Variants in DIP2A observed in about 807,000 individuals in gnomAD.
The protein encoded by DIP2A is disco-interacting protein 2 homolog A.
A neutral mutation model predicts 177.4 loss-of-function variants in DIP2A; 85 were observed. That is an observed-to-expected ratio of 0.48 (90% CI 0.40 to 0.57). The LOEUF (loss-of-function observed/expected upper bound fraction) is 0.57. Ranked by LOEUF, DIP2A falls within the 20% of genes least tolerant of loss-of-function variation. The probability of loss-of-function intolerance (pLI) is 0.00; values close to 1 mark genes in which losing one functional copy is unlikely to be tolerated. For synonymous variants in DIP2A, 886 were observed against 881.8 expected, an observed-to-expected ratio of 1.00 and a Z score of -0.08; for missense variants, 1,791 against 2,100.2, an observed-to-expected ratio of 0.85 and a Z score of 2.88.
At chr21:46,575,707 A>G in the DIP2A span, among the ~76,000 whole-genome samples, 1 of 152,128 alleles carries the variant, frequency 6.6e-6, no homozygotes, top group African/African-American at 2.4e-5. Context: ...AAAGACTTAT[A>G]AAATGAAAAG....
intron 1 of DIP2A, among the ~76,000 whole-genome samples, chr21:46,477,097 C>T (rs945732624): frequency 2.0e-5 from 3 of 152,152 alleles, no homozygotes; most frequent in African/African-American, 4.8e-5. Context: ...TTCTTGCCTC[C>T]TCCTGCTCTT....
At chr21:46,538,457 A>G (rs1044068674) in intron 15 of DIP2A, 26 bp from the exon 16 acceptor site, 12 of 1,539,362 alleles carry the variant, frequency 7.8e-6, no homozygotes, top group Non-Finnish European at 1.0e-5. Context: ...TGACGCAGGG[A>G]TGTCTGTGCC....
Position 46,557,463 on chromosome 21 carries a change from C to T in DIP2A, c.3630-122C>T, listed in dbSNP as rs2060508176. ...TTTTCCACCAAACCCCCCCACTTGG[C>T]GTCAGAACAGAAATCATGCCCCTGT... is the stretch of plus-strand genomic sequence containing the variant. On this transcript the variant is annotated intron_variant, in intron 30 of 37. Transcript: ENST00000417564. The surrounding 1 kb of genome is among the most constrained non-coding windows in gnomAD (Gnocchi z 6.0). 2.5e-6 allele frequency: 3 copies of T among 1,221,816 alleles called. No individual in the cohort carries two copies. The highest frequency in any genetic ancestry group is 1.6e-5 in the South Asian group (1 of 63,476). 75.7% of individuals were successfully genotyped at this position (1,221,816 alleles called of 1,614,324 possible).
chr21:46,464,362 C>T (rs1351281133), intron 1 of DIP2A, among the ~76,000 whole-genome samples: 1 of 152,110 alleles, frequency 6.6e-6, no homozygotes, highest in African/African-American at 2.4e-5. Flanking sequence ...CATTGCACTC[C>T]AGCCTGGGCA....
At position 46,556,949 on chromosome 21, in the gene DIP2A, C is replaced by A; in HGVS notation, c.3509C>A (p.Ala1170Glu). The change falls in exon 30 of 38, where the codon GCG becomes GAG. Residue 1170 changes from alanine to glutamate, a missense_variant. Physicochemically the swap from Ala to Glu is moderately radical, Grantham distance 107 (BLOSUM62 -1). Transcript: ENST00000417564. The surrounding 1 kb of genome is among the most constrained non-coding windows in gnomAD (Gnocchi z 4.5). The part of the protein sequence containing the change: ...GILAGVKMSH[A>E]ATSALCRSIK... ...TATTTTACTCTTAAGATGTCGCACG[C>A]GGCCACAAGCGCCTTATGCCGCTCC... is the stretch of plus-strand genomic sequence containing the variant. 3 of 1,566,630 alleles carry A rather than the reference C, an allele frequency of 1.9e-6. No individual in the cohort carries two copies. Among genetic ancestry groups the A allele is most frequent in the Non-Finnish European group, 2.6e-6 (3 of 1,153,940 alleles).
In DIP2A at chr21:46,566,548, C is replaced by T; in HGVS notation, c.4340-12C>T. On this transcript the variant is annotated splice_polypyrimidine_tract_variant and intron_variant, in intron 36 of 37. Coordinates refer to ENST00000417564, the MANE Select transcript of DIP2A (RefSeq NM_015151.4). ...GGCTTTCTGGGCACGTGTAAACACA[C>T]ACTGTTCACAGGGCGGCACGATGCA... 1 of 1,613,966 alleles carries T rather than the reference C, an allele frequency of 6.2e-7. No individual in the cohort carries two copies. The highest frequency in any genetic ancestry group is 1.3e-5 in the African/African-American group (1 of 75,048).
rs973580245 is a variant in DIP2A, at chr21:46,557,102, G to A, written c.3629+33G>A. On this transcript the variant is annotated intron_variant, in intron 30 of 37. Transcript: ENST00000417564. This position sits in a 1 kb window ranked among gnomAD's most constrained non-coding sequence, Gnocchi z 6.0. ...CAGGGCCCCTGCTGCCTGCCAGGTG[G>A]GAGCAGCTCGTGTGGCTCTTAGGAA... 6.4e-7 allele frequency: 1 copy of A among 1,568,684 alleles called. No individual in the cohort carries two copies. The highest frequency in any genetic ancestry group is 8.7e-7 in the Non-Finnish European group (1 of 1,153,004).
At chr21:46,521,992 TAGTCTCAA>T (rs933213435) in intron 8 of DIP2A, among the ~76,000 whole-genome samples, 1 of 152,220 alleles carries the variant, frequency 6.6e-6, no homozygotes, top group African/African-American at 2.4e-5. Context: ...CATAGTCCCA[TAGTCTCAA>T]GTGCATGTTA....
intron 13 of DIP2A, among the ~76,000 whole-genome samples, chr21:46,535,140 T>G (rs909019622): frequency 6.6e-6 from 1 of 152,236 alleles, no homozygotes; most frequent in African/African-American, 2.4e-5. Flanking sequence ...AGTTTTGACC[T>G]CAGCTGTCAT....
At chr21:46,543,367 T>C (rs2059896953) in intron 18 of DIP2A, among the ~76,000 whole-genome samples, 1 of 152,188 alleles carries the variant, frequency 6.6e-6, no homozygotes, top group African/African-American at 2.4e-5. Context: ...GTTTTATTTG[T>C]AAAATGTGGA....
At position 46,557,456 on chromosome 21, in the gene DIP2A, C is replaced by A. The variant is rs555843899; in HGVS notation, c.3630-129C>A. The A allele has an allele frequency of 2.1e-5, 24 of 1,170,662 alleles. No homozygotes were observed. The highest frequency in any genetic ancestry group is 1.8e-4 in the East Asian group (7 of 38,560). The allele number at this position is 1,170,662 out of a possible 1,614,324, so 72.5% of individuals were successfully genotyped here. On this transcript the variant is annotated intron_variant, in intron 30 of 37. Coordinates refer to ENST00000417564, the MANE Select transcript of DIP2A (RefSeq NM_015151.4). The surrounding 1 kb of genome is among the most constrained non-coding windows in gnomAD (Gnocchi z 6.0). The stretch of plus-strand genomic sequence containing the variant: ...TGGCATGTTTTCCACCAAACCCCCC[C>A]ACTTGGCGTCAGAACAGAAATCATG...
chr21:46,479,160 C>G (rs1255128034), intron 1 of DIP2A, among the ~76,000 whole-genome samples: 1 of 152,226 alleles, frequency 6.6e-6, no homozygotes, highest in African/African-American at 2.4e-5. Flanking sequence ...TGAGCTCCTG[C>G]CTCTCTGAGT....
At chr21:46,546,881 T>A in intron 20 of DIP2A, 34 bp from the exon 21 acceptor site, 1 of 1,610,102 alleles carries the variant, frequency 6.2e-7, no homozygotes, top group Non-Finnish European at 8.5e-7. Flanking sequence ...TCTGCCCGTG[T>A]GGGTGGAGTC....
At position 46,557,197 on chromosome 21, in the gene DIP2A, TG is replaced by T. The variant is rs2148894081; in HGVS notation, c.3629+132del. ...TGAGATGTGTGTGAGTGGGTTTGTT[TG>T]GGGATGAAGTGGGTTGGAGTCTGAG... On this transcript the variant is annotated intron_variant, in intron 30 of 37. Transcript: ENST00000417564. This position sits in a 1 kb window ranked among gnomAD's most constrained non-coding sequence, Gnocchi z 6.0. The T allele has an allele frequency of 8.8e-7, 1 of 1,141,104 alleles. No individual in the cohort carries two copies. 70.7% of individuals were successfully genotyped at this position (1,141,104 alleles called of 1,614,324 possible). A position where few individuals can be genotyped will look rare whatever the true frequency, so the allele number is the denominator to read the frequency against.
chr21:46,480,057 ATT>A (rs72348715), intron 1 of DIP2A, among the ~76,000 whole-genome samples: 7 of 121,048 alleles, frequency 5.8e-5, no homozygotes, highest in Non-Finnish European at 9.0e-5. Flanking sequence ...GACTGCCTGT[ATT>A]TTTTTTTTTT....
intron 8 of DIP2A, among the ~76,000 whole-genome samples, chr21:46,514,398 T>G (rs2058454684): frequency 6.7e-6 from 1 of 150,252 alleles, no homozygotes; most frequent in South Asian, 2.1e-4. Flanking sequence ...ATCGCACCAC[T>G]GCACTCCAGC....
chr21:46,545,802 C>T, intron 19 of DIP2A, 79 bp from the exon 20 acceptor site: 6 of 1,540,578 alleles, frequency 3.9e-6, no homozygotes, highest in Non-Finnish European at 5.3e-6. Context: ...GGTGCTGAGC[C>T]TCCTGCCGCC....
At chr21:46,475,409 A>C (rs1484132551) in intron 1 of DIP2A, among the ~76,000 whole-genome samples, 33 of 152,226 alleles carry the variant, frequency 2.2e-4, no homozygotes, top group Non-Finnish European at 1.5e-5. Context: ...TCCTGAATGC[A>C]TGTTCAGGGT....
At chr21:46,543,209 T>C (rs2059890342) in intron 18 of DIP2A, among the ~76,000 whole-genome samples, 1 of 152,210 alleles carries the variant, frequency 6.6e-6, no homozygotes, top group South Asian at 2.1e-4. Flanking sequence ...TGCTTGAACC[T>C]GTCGTAAAAC....
Sources: gnomAD v4.1 joint callset for allele counts (sites outside exome capture counted in the v4.1 genomes callset) on GRCh38, gnomAD v4.1.1 for gene constraint, Gnocchi (gnomAD v3.1) non-coding constraint, MANE v1.5 for transcripts, NCBI Gene and HGNC (gene_info 2026-07-23, HGNC 2026-07-21) for gene names.